Variants in PRKD1 observed in about 807,000 individuals in gnomAD.
PRKD1 encodes serine/threonine-protein kinase D1.
In PRKD1, 63 loss-of-function variants were observed where a neutral mutation model predicts 95.9. The observed-to-expected ratio is 0.66, with a 90% CI of 0.54 to 0.81. The LOEUF is 0.81. PRKD1 is among the 30% of genes least tolerant of loss of function. The pLI is 0.00. For synonymous variants in PRKD1, 425 were observed against 423.1 expected (o/e 1.00, Z -0.05); for missense variants, 1,048 against 1,165.3 (o/e 0.90, Z 1.47).
chr14:29,772,511 A>G (rs561537472), intron 1 of PRKD1, among the ~76,000 whole-genome samples: 1 of 152,338 alleles, frequency 6.6e-6, no homozygotes, highest in African/African-American at 2.4e-5. Context: ...CAAATGGAAT[A>G]AGGTAATATC....
intron 1 of PRKD1, among the ~76,000 whole-genome samples, chr14:29,771,313 G>A (rs1888498648): frequency 6.6e-6 from 1 of 152,092 alleles, no homozygotes; most frequent in Non-Finnish European, 1.5e-5. Flanking sequence ...CAGGCCCAGA[G>A]TGCCAAGACC....
intron 4 of PRKD1, among the ~76,000 whole-genome samples, chr14:29,648,732 G>A (rs1881299808): frequency 6.6e-6 from 1 of 152,044 alleles, no homozygotes; most frequent in South Asian, 2.1e-4. Flanking sequence ...TCGGCTCACT[G>A]CCAGCTCTGC....
chr14:29,807,639 TC>T (rs1890290044), intron 1 of PRKD1, among the ~76,000 whole-genome samples: 1 of 151,958 alleles, frequency 6.6e-6, no homozygotes, highest in Admixed American at 6.6e-5. Context: ...GCTCAAGTGA[TC>T]CACCACCTCA....
chr14:29,622,406 T>C (rs1193411462), intron 13 of PRKD1, among the ~76,000 whole-genome samples: 2 of 130,828 alleles, frequency 1.5e-5, no homozygotes, highest in African/African-American at 5.2e-5. Context: ...CCTTCTGTTT[T>C]TATTATTTTT....
chr14:29,885,625 G>C (rs1893674297), intron 1 of PRKD1, among the ~76,000 whole-genome samples: 1 of 151,908 alleles, frequency 6.6e-6, no homozygotes, highest in South Asian at 2.1e-4. Flanking sequence ...CATTTGCCAG[G>C]GTTAAGGGGA....
chr14:29,927,588 T>C lies in PRKD1; in HGVS notation c.-76A>G. Reference sequence around the variant, plus strand: ...GGCAGCAGGAAAGTTTTGCAGCCGCTGAGCCAGGAGCTTCTTTCTCCGAGA... The same window carrying C: ...GGCAGCAGGAAAGTTTTGCAGCCGCCGAGCCAGGAGCTTCTTTCTCCGAGA... On this transcript the variant is annotated 5_prime_UTR_variant, in exon 1 of 18. Coordinates refer to ENST00000331968, the MANE Select transcript of PRKD1 (RefSeq NM_002742.3). 1.9e-6 allele frequency: 2 copies of C among 1,067,832 alleles called. No homozygotes were observed. The highest frequency in any genetic ancestry group is 2.3e-6 in the Non-Finnish European group (2 of 875,756). 66.1% of individuals were successfully genotyped at this position (1,067,832 alleles called of 1,614,324 possible). A position where few individuals can be genotyped will look rare whatever the true frequency, so the allele number is the denominator to read the frequency against.
At chr14:29,754,019 T>C (rs1750575097) in intron 1 of PRKD1, among the ~76,000 whole-genome samples, 2 of 152,226 alleles carry the variant, frequency 1.3e-5, no homozygotes, top group Non-Finnish European at 1.5e-5. Flanking sequence ...TGTAGGATGA[T>C]GGCAACAGTT....
At position 29,609,506 on chromosome 14, in the gene PRKD1, G is replaced by GCACGCA. The variant is rs1555327741; in HGVS notation, c.1906-9690_1906-9689insTGCGTG. 3.0e-3 allele frequency among the ~76,000 whole-genome samples: 377 copies of GCACGCA among 127,460 alleles called. 3 individuals carry two copies. Among genetic ancestry groups the GCACGCA allele is most frequent in the African/African-American group, 0.011 (356 of 33,728 alleles). The allele number at this position is 127,460 out of a possible 152,430, so 83.6% of individuals were successfully genotyped here. ...CTAATCTATTTGTGTGTGTGTGCGT[G>GCACGCA]CACACACACACACACACACACACAC... On this transcript the variant is annotated intron_variant, in intron 13 of 17. Transcript: ENST00000331968.
At chr14:29,734,194 C>G (rs1361601718) in intron 1 of PRKD1, among the ~76,000 whole-genome samples, 3 of 151,792 alleles carry the variant, frequency 2.0e-5, no homozygotes, top group African/African-American at 7.3e-5. Context: ...AGGTGCCCAC[C>G]ACACGCCTGG....
intron 2 of PRKD1, among the ~76,000 whole-genome samples, chr14:29,718,977 T>C (rs1168135930): frequency 1.3e-5 from 2 of 152,106 alleles, no homozygotes; most frequent in African/African-American, 4.8e-5. Context: ...TGCTAACCAA[T>C]GTATTATATC....
intron 13 of PRKD1, among the ~76,000 whole-genome samples, chr14:29,603,950 A>G (rs1893612174): frequency 6.6e-6 from 1 of 152,196 alleles, no homozygotes; most frequent in Admixed American, 6.5e-5. Flanking sequence ...TGACATATTC[A>G]CGGGGTGAAT....
intron 1 of PRKD1, among the ~76,000 whole-genome samples, chr14:29,917,023 T>C (rs1894914490): frequency 6.6e-6 from 1 of 152,168 alleles, no homozygotes; most frequent in Non-Finnish European, 1.5e-5. Flanking sequence ...CCACCATTTC[T>C]GAACAATGTG....
intron 1 of PRKD1, among the ~76,000 whole-genome samples, chr14:29,766,728 G>A (rs17478638): frequency 0.17 from 26,304 of 152,074 alleles, 2,436 homozygotes; most frequent in South Asian, 0.23. Flanking sequence ...TTGAGATAAC[G>A]CTTTAGAATG....
intron 1 of PRKD1, among the ~76,000 whole-genome samples, chr14:29,750,004 G>T (rs1314384750): frequency 1.3e-5 from 2 of 152,138 alleles, no homozygotes; most frequent in Non-Finnish European, 2.9e-5. Flanking sequence ...AGAGTCTGAT[G>T]AATGGCCAAG....
At chr14:29,906,077 G>A (rs555845117) in intron 1 of PRKD1, among the ~76,000 whole-genome samples, 1 of 151,854 alleles carries the variant, frequency 6.6e-6, no homozygotes, top group African/African-American at 2.4e-5. Context: ...AATTTTTAAA[G>A]TTAGAAAAAC....
At chr14:29,706,444 G>A (rs945364769) in intron 2 of PRKD1, among the ~76,000 whole-genome samples, 3 of 152,050 alleles carry the variant, frequency 2.0e-5, no homozygotes, top group Non-Finnish European at 4.4e-5. Flanking sequence ...TTAAAACAAT[G>A]TTGTCTTTGC....
chr14:29,774,878 A>G (rs1389619318), intron 1 of PRKD1, among the ~76,000 whole-genome samples: 4 of 152,148 alleles, frequency 2.6e-5, no homozygotes, highest in African/African-American at 9.7e-5. Flanking sequence ...AAGCAACATG[A>G]TAATAGTGGT....
chr14:29,594,024 T>A (rs969687761), intron 16 of PRKD1: 14 of 399,292 alleles, frequency 3.5e-5, no homozygotes, highest in Admixed American at 3.3e-4. Flanking sequence ...AAGCCCTTGA[T>A]TTCAAGATCA....
intron 1 of PRKD1, among the ~76,000 whole-genome samples, chr14:29,738,792 TC>T (rs1238108273): frequency 1.3e-5 from 2 of 151,494 alleles, no homozygotes; most frequent in African/African-American, 4.8e-5. Context: ...TTTCTTTCTC[TC>T]TCTCTTTCTT....
Sources: gnomAD v4.1 joint callset for allele counts (sites outside exome capture counted in the v4.1 genomes callset) on GRCh38, gnomAD v4.1.1 for gene constraint, MANE v1.5 for transcripts, NCBI Gene and HGNC (gene_info 2026-07-23, HGNC 2026-07-21) for gene names.